KHDC1: variants seen among roughly 807,000 people sequenced by gnomAD.
The protein encoded by KHDC1 is KH domain containing 1.
In KHDC1, 21 loss-of-function variants were observed where a neutral mutation model predicts 24.7. The ratio of observed to expected loss-of-function variants is 0.85; its 90% confidence interval spans 0.60 to 1.23. The LOEUF (loss-of-function observed/expected upper bound fraction) is 1.23. Among genes scored for constraint, KHDC1 ranks in the 50% most tolerant of loss-of-function variants. The pLI, the probability that KHDC1 is intolerant of heterozygous loss-of-function variation, is 0.00. For missense variants in KHDC1, 274 were observed against 298.5 expected, an observed-to-expected ratio of 0.92 and a Z score of 0.61; for synonymous variants, 98 against 111.7, an observed-to-expected ratio of 0.88 and a Z score of 0.77.
At chr6:73,268,297 T>C (rs1301412924) in intron 2 of KHDC1, 1 of 153,526 alleles carries the variant, frequency 6.5e-6, no homozygotes, top group Non-Finnish European at 1.4e-5. Context: ...TTCCTCCCAG[T>C]GGGCTCGTGG....
At chr6:73,247,470 A>C (rs1327119177) in intron 2 of KHDC1, among the ~76,000 whole-genome samples, 7 of 152,202 alleles carry the variant, frequency 4.6e-5, no homozygotes, top group Non-Finnish European at 7.3e-5. Context: ...GCAGCACAGC[A>C]GTTACCCCAA....
At chr6:73,309,832 C>A in exon 1 of KHDC1, 1 of 1,281,542 alleles carries the variant, frequency 7.8e-7, no homozygotes, top group Non-Finnish European at 1.1e-6. Flanking sequence ...AAGCGAAGTT[C>A]AGGACGCGAA....
At chr6:73,305,364 A>C (rs1445159595) in intron 1 of KHDC1, among the ~76,000 whole-genome samples, 1 of 152,112 alleles carries the variant, frequency 6.6e-6, no homozygotes, top group Non-Finnish European at 1.5e-5. Flanking sequence ...TATTCACTAC[A>C]ATCATAAGGA....
At chr6:73,279,659 A>C (rs1457483585) in intron 2 of KHDC1, among the ~76,000 whole-genome samples, 1 of 140,658 alleles carries the variant, frequency 7.1e-6, no homozygotes, top group East Asian at 2.1e-4. Context: ...GGCTCACTGC[A>C]GCCTTGACCT....
At chr6:73,244,136 T>G (rs1766623406) in intron 2 of KHDC1, among the ~76,000 whole-genome samples, 1 of 152,158 alleles carries the variant, frequency 6.6e-6, no homozygotes, top group African/African-American at 2.4e-5. Flanking sequence ...GTTTAAAATA[T>G]TGAAAAATAT....
At chr6:73,278,075 G>A (rs1053667954) in intron 2 of KHDC1, among the ~76,000 whole-genome samples, 1 of 142,264 alleles carries the variant, frequency 7.0e-6, no homozygotes, top group Non-Finnish European at 1.5e-5. Flanking sequence ...GCGGTGGTGC[G>A]ATCTCAGCTC....
At chr6:73,279,555 A>G (rs1273497188) in intron 2 of KHDC1, among the ~76,000 whole-genome samples, 4 of 151,702 alleles carry the variant, frequency 2.6e-5, no homozygotes, top group South Asian at 2.1e-4. Context: ...ATTTGCCTCA[A>G]TGATAACATG....
chr6:73,308,212 C>T (rs1269762205), intron 1 of KHDC1, among the ~76,000 whole-genome samples: 4 of 151,154 alleles, frequency 2.6e-5, no homozygotes, highest in African/African-American at 9.7e-5. Context: ...GTAGCTGGGA[C>T]TACAGGTGCC....
intron 1 of KHDC1, among the ~76,000 whole-genome samples, chr6:73,302,967 C>T (rs35892768): frequency 0.065 from 9,882 of 152,266 alleles, 335 homozygotes; most frequent in East Asian, 0.13. Context: ...ATCCCAGCTA[C>T]TCTGGAGGCT....
chr6:73,242,359 C>T, intron 3 of KHDC1, 47 bp downstream of exon 2: 1 of 1,613,240 alleles, frequency 6.2e-7, no homozygotes, highest in Non-Finnish European at 8.5e-7. Context: ...AGAGTGAAAA[C>T]TGAGAAGACA....
intron 2 of KHDC1, among the ~76,000 whole-genome samples, chr6:73,258,758 A>G (rs1766926521): frequency 6.6e-6 from 1 of 152,238 alleles, no homozygotes. Flanking sequence ...CAGTTTCCCT[A>G]CCTGTAAAAT....
intron 1 of KHDC1, among the ~76,000 whole-genome samples, chr6:73,305,290 CA>C (rs1191933196): frequency 6.6e-6 from 1 of 151,694 alleles, no homozygotes; most frequent in Admixed American, 6.6e-5. Flanking sequence ...AATAAAGAAA[CA>C]AATTTGAAGT....
exon 1 of KHDC1, chr6:73,309,673 C>A: frequency 1.3e-6 from 2 of 1,550,140 alleles, no homozygotes; most frequent in Non-Finnish European, 1.7e-6. Flanking sequence ...CTGTTTCAAT[C>A]ACAAATAAGA....
At chr6:73,258,798 T>C (rs972293790) in intron 2 of KHDC1, among the ~76,000 whole-genome samples, 2 of 152,244 alleles carry the variant, frequency 1.3e-5, no homozygotes, top group Admixed American at 1.3e-4. Flanking sequence ...TCCCAGCAGT[T>C]GCTGGATCAC....
chr6:73,265,653 T>C (rs1298923977), intron 2 of KHDC1, among the ~76,000 whole-genome samples: 6 of 152,204 alleles, frequency 3.9e-5, no homozygotes, highest in African/African-American at 1.4e-4. Flanking sequence ...TCAGGTTCTC[T>C]TGTCTTTAGC....
At chr6:73,242,497 A>C in exon 3 of KHDC1, 2 of 1,614,164 alleles carry the variant, frequency 1.2e-6, no homozygotes, top group Non-Finnish European at 8.5e-7. Flanking sequence ...TCTTGCTGAG[A>C]GCACTCGTTC....
intron 2 of KHDC1, among the ~76,000 whole-genome samples, chr6:73,257,118 C>T (rs1766892884): frequency 6.6e-6 from 1 of 152,210 alleles, no homozygotes; most frequent in Non-Finnish European, 1.5e-5. Flanking sequence ...CATGGCAAAA[C>T]CCCATCTCTA....
chr6:73,302,152 G>A (rs769858777), intron 1 of KHDC1, among the ~76,000 whole-genome samples: 4 of 152,040 alleles, frequency 2.6e-5, no homozygotes, highest in African/African-American at 4.8e-5. Context: ...AACTGGACAT[G>A]GTGGCACACA....
At chr6:73,242,078 T>G in exon 4 of KHDC1, 1 of 1,613,588 alleles carries the variant, frequency 6.2e-7, no homozygotes, top group Non-Finnish European at 8.5e-7. Flanking sequence ...ATAGGAGTCC[T>G]GGCTCCCCAC....
Sources: gnomAD v4.1 joint callset for allele counts (sites outside exome capture counted in the v4.1 genomes callset) on GRCh38, gnomAD v4.1.1 for gene constraint, MANE v1.5 for transcripts, NCBI Gene and HGNC (gene_info 2026-07-23, HGNC 2026-07-21) for gene names.